ENTPD5: variants seen among roughly 807,000 people sequenced by gnomAD.
The protein encoded by ENTPD5 is nucleoside diphosphate phosphatase ENTPD5.
ENTPD5 carries 49 observed loss-of-function variants against 60.2 expected under a neutral mutation model. The observed-to-expected ratio is 0.81, with a 90% CI of 0.65 to 1.03. The LOEUF is 1.03. Ranked by LOEUF, ENTPD5 falls within the 50% of genes least tolerant of loss-of-function variation. ENTPD5 has a pLI of 0.00. For synonymous variants in ENTPD5, 187 were observed against 185.4 expected (o/e 1.01, Z -0.07); for missense variants, 480 against 507.6 (o/e 0.95, Z 0.52).
intron 3 of ENTPD5, among the ~76,000 whole-genome samples, chr14:73,998,097 T>A (rs2058393448): frequency 6.6e-6 from 1 of 152,104 alleles, no homozygotes; most frequent in South Asian, 2.1e-4. Flanking sequence ...GGAGGTTATA[T>A]GAGCAAACAG....
chr14:73,963,016 G>C, downstream of ENTPD5: 1 of 1,594,632 alleles, frequency 6.3e-7, no homozygotes, highest in Non-Finnish European at 8.6e-7. Flanking sequence ...CTCTCCTAAA[G>C]AAAGATTACG....
chr14:74,008,331 T>C (rs571653859), intron 3 of ENTPD5, among the ~76,000 whole-genome samples: 1 of 152,232 alleles, frequency 6.6e-6, no homozygotes, highest in East Asian at 1.9e-4. Flanking sequence ...ACAGATTCAC[T>C]GATCAGACGG....
chr14:74,009,696 C>T (rs72627146), intron 3 of ENTPD5, among the ~76,000 whole-genome samples: 20,828 of 152,242 alleles, frequency 0.14, 2,010 homozygotes, highest in East Asian at 0.57. Context: ...CAGCTCACTG[C>T]GGCCTTAAAC....
downstream of ENTPD5, among the ~76,000 whole-genome samples, chr14:73,957,795 T>G (rs1328401803): frequency 6.6e-6 from 1 of 152,188 alleles, no homozygotes. Context: ...AAATCTTTTG[T>G]AGTCTAGGAT....
chr14:74,003,885 C>G (rs913754813), intron 3 of ENTPD5, among the ~76,000 whole-genome samples: 1 of 151,594 alleles, frequency 6.6e-6, no homozygotes, highest in Non-Finnish European at 1.5e-5. Flanking sequence ...TCACTGGAGC[C>G]CAGGAGTTTG....
chr14:73,984,676 T>A (rs1002524897), intron 5 of ENTPD5, among the ~76,000 whole-genome samples: 1 of 151,806 alleles, frequency 6.6e-6, no homozygotes, highest in Non-Finnish European at 1.5e-5. Flanking sequence ...AGCTCCTAAT[T>A]TTTCTTTTTT....
chr14:73,996,133 G>A, intron 3 of ENTPD5: 2 of 985,300 alleles, frequency 2.0e-6, no homozygotes, highest in Non-Finnish European at 2.4e-6. Context: ...GGTTCCCTGA[G>A]TCCTTGCTTT....
Position 73,966,675 on chromosome 14 carries a change from C to G in ENTPD5, c.*253G>C. 1 of 386,072 alleles carries G rather than the reference C, an allele frequency of 2.6e-6. No homozygotes were observed. Among genetic ancestry groups the G allele is most frequent in the South Asian group, 5.9e-5 (1 of 17,032 alleles). The allele number at this position is 386,072 out of a possible 1,614,324, so 23.9% of individuals were successfully genotyped here. On this transcript the variant is annotated 3_prime_UTR_variant, in exon 16 of 16. Transcript: ENST00000334696. ...TTTTCTTTGGTTTCCAGGGACCTGT[C>G]CCTGGGCTCTCACTCCAAGGTTAAG...
chr14:74,016,922 G>C (rs1040481523), intron 1 of ENTPD5, among the ~76,000 whole-genome samples: 7 of 152,112 alleles, frequency 4.6e-5, no homozygotes, highest in Admixed American at 1.3e-4. Context: ...CAAAATTAAT[G>C]GTAACTTTAT....
intron 2 of ENTPD5, among the ~76,000 whole-genome samples, chr14:74,011,598 ACCAACCTG>A (rs2058847437): frequency 1.3e-5 from 2 of 152,090 alleles, no homozygotes; most frequent in African/African-American, 2.4e-5. Context: ...GGAGTTTGTG[ACCAACCTG>A]GGCAATGTGG....
chr14:74,014,381 C>A (rs1032669644), intron 2 of ENTPD5, among the ~76,000 whole-genome samples: 11 of 105,564 alleles, frequency 1.0e-4, no homozygotes, highest in African/African-American at 2.2e-4. Context: ...AGTCTTTACT[C>A]CCCCCCCCCA....
rs2056985822 is a variant in ENTPD5 at position 73,966,706 on chromosome 14, A to G, written c.*222T>C. On this transcript the variant is annotated 3_prime_UTR_variant, in exon 16 of 16. Transcript: ENST00000334696. Reference sequence around the variant, plus strand: ...GCTCTCACTCCAAGGTTAAGTTCCAAAACTATACTTTTTGGCTCACAGGGC... The same window carrying G: ...GCTCTCACTCCAAGGTTAAGTTCCAGAACTATACTTTTTGGCTCACAGGGC... 2.2e-6 allele frequency: 1 copy of G among 450,992 alleles called. No homozygotes were observed. The highest frequency in any genetic ancestry group is 3.9e-5 in the Admixed American group (1 of 25,420). The allele number at this position is 450,992 out of a possible 1,614,324, so 27.9% of individuals were successfully genotyped here.
At chr14:73,977,266 T>C (rs781679048) in intron 7 of ENTPD5, 33 bp downstream of exon 7, 6 of 1,528,516 alleles carry the variant, frequency 3.9e-6, no homozygotes, top group South Asian at 2.3e-5. Context: ...CCTGCCCCTC[T>C]CCCCCTGGAA....
chr14:73,981,317 G>A (rs1041153487), intron 6 of ENTPD5, among the ~76,000 whole-genome samples: 12 of 151,796 alleles, frequency 7.9e-5, no homozygotes, highest in African/African-American at 2.9e-4. Flanking sequence ...TGGCCAACAT[G>A]GTGAAACCCT....
At chr14:73,978,245 C>T (rs1007599040) in intron 6 of ENTPD5, among the ~76,000 whole-genome samples, 2 of 150,386 alleles carry the variant, frequency 1.3e-5, no homozygotes, top group Non-Finnish European at 2.9e-5. Context: ...AGTTTGTTCT[C>T]AAAACAGCAG....
At chr14:73,969,487 T>C (rs2057125806) in intron 15 of ENTPD5, among the ~76,000 whole-genome samples, 1 of 151,654 alleles carries the variant, frequency 6.6e-6, no homozygotes, top group African/African-American at 2.4e-5. Flanking sequence ...AGGTCAGGAG[T>C]TCTCAGGAGT....
At chr14:73,988,303 G>C in intron 3 of ENTPD5, 131 bp from the exon 4 acceptor site, 1 of 771,554 alleles carries the variant, frequency 1.3e-6, no homozygotes, top group Non-Finnish European at 1.9e-6. Context: ...AGCTAAACCA[G>C]GGTGATGTGG....
Position 73,970,425 on chromosome 14 carries a change from GA to G in ENTPD5, c.1085-301del, listed in dbSNP as rs775186568. ...GAGAATCGCTTGAACCTGGAAGGCA[GA>G]GGTTGCAGTGAGCCGAGATCTCACC... On this transcript the variant is annotated intron_variant, in intron 14 of 15. Coordinates refer to ENST00000334696, the MANE Select transcript of ENTPD5 (RefSeq NM_001249.5). Among the ~76,000 whole-genome samples, 124 of 151,872 alleles carry G rather than the reference GA, an allele frequency of 8.2e-4. No individual in the cohort carries two copies. The Middle Eastern group carries it at 0.01, about 12-fold the overall frequency.
At chr14:74,009,592 C>A (rs1271376230) in intron 3 of ENTPD5, among the ~76,000 whole-genome samples, 1 of 151,036 alleles carries the variant, frequency 6.6e-6, no homozygotes, top group Non-Finnish European at 1.5e-5. Flanking sequence ...AAAATGCTTT[C>A]CTTCTAAATA....
Sources: allele counts gnomAD v4.1 joint callset (sites outside exome capture counted in the v4.1 genomes callset), GRCh38; gene constraint gnomAD v4.1.1; transcripts MANE v1.5; gene names NCBI Gene and HGNC (gene_info 2026-07-23, HGNC 2026-07-21).